DOCK4: variants seen among roughly 807,000 people sequenced by gnomAD.
The protein encoded by DOCK4 is dedicator of cytokinesis 4, also known as dedicator of cytokinesis protein 4.
DOCK4 carries 97 observed loss-of-function variants against 268.1 expected under a neutral mutation model. The observed-to-expected ratio is 0.36, with a 90% CI of 0.31 to 0.43. The LOEUF (loss-of-function observed/expected upper bound fraction) is 0.43, where lower values mean the gene tolerates loss of function less well. Among genes scored for constraint, DOCK4 ranks in the 20% least tolerant of loss-of-function variants. The pLI is 1.00. For synonymous variants in DOCK4, 954 were observed against 887.2 expected, an observed-to-expected ratio of 1.08 and a Z score of -1.34; for missense variants, 2,145 against 2,455.7, an observed-to-expected ratio of 0.87 and a Z score of 2.67.
chr7:111,886,518 C>A (rs1159052848), intron 16 of DOCK4, among the ~76,000 whole-genome samples: 1 of 152,010 alleles, frequency 6.6e-6, no homozygotes, highest in Non-Finnish European at 1.5e-5. Flanking sequence ...GGAAGGAAGA[C>A]CTTATCGAAA....
intron 25 of DOCK4, among the ~76,000 whole-genome samples, chr7:111,837,232 C>T (rs976884230): frequency 1.7e-4 from 26 of 152,038 alleles, no homozygotes; most frequent in African/African-American, 6.3e-4. Flanking sequence ...GGAGCAACAG[C>T]TTCAGAGAAC....
At chr7:111,747,204 T>G in intron 43 of DOCK4, 63 bp downstream of exon 43, 1 of 1,512,520 alleles carries the variant, frequency 6.6e-7, no homozygotes, top group Non-Finnish European at 8.9e-7. Context: ...GAAAAAAGAT[T>G]CATGAAACCC....
intron 26 of DOCK4, among the ~76,000 whole-genome samples, chr7:111,826,892 C>T (rs1292186411): frequency 6.6e-6 from 1 of 151,904 alleles, no homozygotes; most frequent in Non-Finnish European, 1.5e-5. Context: ...TTTTTAAAAT[C>T]TATATTTTTT....
chr7:111,729,627 A>C (rs1002768335), intron 52 of DOCK4, among the ~76,000 whole-genome samples: 2 of 152,168 alleles, frequency 1.3e-5, no homozygotes, highest in African/African-American at 4.8e-5. Flanking sequence ...GGAACTGGCC[A>C]AAAACCCCAA....
At chr7:111,759,372 A>G (rs1422933159) in intron 40 of DOCK4, among the ~76,000 whole-genome samples, 2 of 152,152 alleles carry the variant, frequency 1.3e-5, no homozygotes, top group Non-Finnish European at 2.9e-5. Flanking sequence ...GTTATAGTTT[A>G]TATTTTTAAA....
chr7:111,923,142 C>T (rs577894560), intron 12 of DOCK4, among the ~76,000 whole-genome samples: 2 of 152,162 alleles, frequency 1.3e-5, no homozygotes, highest in South Asian at 2.1e-4. Flanking sequence ...CATTTAGATA[C>T]CATTTACATT....
At chr7:112,190,219 G>A (rs1819826439) in intron 1 of DOCK4, among the ~76,000 whole-genome samples, 1 of 152,156 alleles carries the variant, frequency 6.6e-6, no homozygotes, top group South Asian at 2.1e-4. Flanking sequence ...GGTTAGCTCT[G>A]TGTTACCCTC....
chr7:111,780,174 C>T (rs1439710319), intron 35 of DOCK4, among the ~76,000 whole-genome samples: 1 of 152,138 alleles, frequency 6.6e-6, no homozygotes, highest in Non-Finnish European at 1.5e-5. Flanking sequence ...ATGTACTTTC[C>T]GCCCATTACC....
intron 1 of DOCK4, among the ~76,000 whole-genome samples, chr7:112,007,318 GGAAT>G (rs72228459): frequency 0.017 from 2,601 of 151,836 alleles, 59 homozygotes; most frequent in African/African-American, 0.055. Context: ...ACAAATACAT[GGAAT>G]GAATGAATGA....
At chr7:111,905,074 T>C (rs1013252900) in intron 13 of DOCK4, among the ~76,000 whole-genome samples, 5 of 152,166 alleles carry the variant, frequency 3.3e-5, no homozygotes, top group Non-Finnish European at 7.4e-5. Flanking sequence ...CCCCAGGAAT[T>C]TTACAGCTTG....
At chr7:111,950,388 A>C (rs1488718481) in intron 8 of DOCK4, among the ~76,000 whole-genome samples, 2 of 152,250 alleles carry the variant, frequency 1.3e-5, no homozygotes, top group African/African-American at 4.8e-5. Flanking sequence ...TTGTAAACTT[A>C]AAAAATGTCC....
chr7:111,884,647 C>G (rs1351666041), intron 16 of DOCK4, among the ~76,000 whole-genome samples: 1 of 152,050 alleles, frequency 6.6e-6, no homozygotes, highest in African/African-American at 2.4e-5. Context: ...GCTCACGAAT[C>G]TTATAATGAA....
At chr7:112,129,095 G>A (rs1185628194) in intron 1 of DOCK4, among the ~76,000 whole-genome samples, 1 of 152,156 alleles carries the variant, frequency 6.6e-6, no homozygotes, top group East Asian at 1.9e-4. Context: ...AAAAAAATCT[G>A]TACATGAATG....
intron 1 of DOCK4, among the ~76,000 whole-genome samples, chr7:112,092,456 C>T (rs951899500): frequency 1.3e-5 from 2 of 152,120 alleles, no homozygotes; most frequent in Non-Finnish European, 1.5e-5. Flanking sequence ...ACAGAGCTGA[C>T]GTGTGCACAC....
chr7:111,984,222 T>C, intron 7 of DOCK4, 84 bp downstream of exon 7: 1 of 1,233,596 alleles, frequency 8.1e-7, no homozygotes, highest in Non-Finnish European at 1.1e-6. Context: ...CATCCTGTTC[T>C]TACAAAATCA....
chr7:112,133,781 C>T (rs2560655), intron 1 of DOCK4, among the ~76,000 whole-genome samples: 22 of 152,098 alleles, frequency 1.4e-4, no homozygotes, highest in African/African-American at 4.8e-4. Flanking sequence ...TTTGGATGTA[C>T]GGTTATAAAG....
At chr7:112,144,236 GTATTTTATT>G (rs985264421) in intron 1 of DOCK4, among the ~76,000 whole-genome samples, 5 of 152,146 alleles carry the variant, frequency 3.3e-5, no homozygotes, top group African/African-American at 1.2e-4. Flanking sequence ...AACCATCTCA[GTATTTTATT>G]TTCTTTTTTT....
At chr7:112,031,827 G>T (rs1803302327) in intron 1 of DOCK4, among the ~76,000 whole-genome samples, 1 of 152,138 alleles carries the variant, frequency 6.6e-6, no homozygotes, top group South Asian at 2.1e-4. Flanking sequence ...ATTACAGTGA[G>T]GTGAACATGT....
intron 52 of DOCK4, among the ~76,000 whole-genome samples, chr7:111,730,703 T>A (rs1314243306): frequency 6.6e-6 from 1 of 152,018 alleles, no homozygotes; most frequent in East Asian, 1.9e-4. Flanking sequence ...GCTAGTAACA[T>A]GGTAGCAGTG....
Sources: allele counts gnomAD v4.1 joint callset (sites outside exome capture counted in the v4.1 genomes callset), GRCh38; gene constraint gnomAD v4.1.1; transcripts MANE v1.5; gene names NCBI Gene and HGNC (gene_info 2026-07-23, HGNC 2026-07-21).